MARCHF1: variants seen among roughly 807,000 people sequenced by gnomAD.
MARCHF1 encodes E3 ubiquitin-protein ligase MARCHF1.
A neutral mutation model predicts 54.2 loss-of-function variants in MARCHF1; 40 were observed. The observed-to-expected ratio is 0.74, with a 90% CI of 0.57 to 0.96. The LOEUF is 0.96. Among genes scored for constraint, MARCHF1 ranks in the 40% least tolerant of loss-of-function variants. The pLI is 0.00. For synonymous variants in MARCHF1, 236 were observed against 236.3 expected, an observed-to-expected ratio of 1.00 and a Z score of 0.01; for missense variants, 586 against 656.5, an observed-to-expected ratio of 0.89 and a Z score of 1.17.
chr4:163,843,787 AT>A (rs199995611), intron 4 of MARCHF1, among the ~76,000 whole-genome samples: 102 of 147,558 alleles, frequency 6.9e-4, no homozygotes, highest in Middle Eastern at 3.4e-3. Context: ...GAGAATATCT[AT>A]TTTTTTTTTA....
At chr4:164,325,920 A>C (rs1579722495) in intron 1 of MARCHF1, among the ~76,000 whole-genome samples, 1 of 152,226 alleles carries the variant, frequency 6.6e-6, no homozygotes, top group Non-Finnish European at 1.5e-5. Flanking sequence ...AACATTTTGC[A>C]TTAAAAACAT....
At chr4:163,887,158 A>C (rs1045583160) in intron 3 of MARCHF1, among the ~76,000 whole-genome samples, 1 of 152,178 alleles carries the variant, frequency 6.6e-6, no homozygotes, top group African/African-American at 2.4e-5. Flanking sequence ...ATATAAATAA[A>C]AATATTACAC....
rs75638973 is a variant in MARCHF1 at position 163,798,681 on chromosome 4, A to T, written c.111+55340T>A. On this transcript the variant is annotated intron_variant, in intron 4 of 9. Coordinates refer to ENST00000514618, the MANE Select transcript of MARCHF1 (RefSeq NM_001394959.1). ...GAAAGAGAAAACAAAAGAGTTGAAAATAGAAGTAAAAGTAAGAAAATACAG... is the reference window on the plus strand; with the variant it reads ...GAAAGAGAAAACAAAAGAGTTGAAATTAGAAGTAAAAGTAAGAAAATACAG... Among the ~76,000 whole-genome samples, 1,020 of 152,232 alleles carry T rather than the reference A, an allele frequency of 6.7e-3. 8 individuals carry two copies. Among genetic ancestry groups the T allele is most frequent in the South Asian group, 0.03 (147 of 4,832 alleles).
chr4:164,342,004 A>T (rs1317820402), intron 1 of MARCHF1, among the ~76,000 whole-genome samples: 1 of 152,236 alleles, frequency 6.6e-6, no homozygotes, highest in Non-Finnish European at 1.5e-5. Flanking sequence ...ACAAGAATTT[A>T]ACCAAGGAGG....
chr4:164,310,866 T>C (rs1734831784), intron 1 of MARCHF1, among the ~76,000 whole-genome samples: 1 of 152,172 alleles, frequency 6.6e-6, no homozygotes, highest in Non-Finnish European at 1.5e-5. Context: ...TGATAGAAGA[T>C]AAATATTGAT....
intron 5 of MARCHF1, among the ~76,000 whole-genome samples, chr4:163,695,588 C>G (rs1744602634): frequency 1.3e-5 from 2 of 152,266 alleles, no homozygotes; most frequent in South Asian, 4.1e-4. Context: ...TGGAAACTAA[C>G]TGAAATATCA....
At chr4:163,608,430 G>C (rs1281474900) in intron 7 of MARCHF1, among the ~76,000 whole-genome samples, 1 of 152,032 alleles carries the variant, frequency 6.6e-6, no homozygotes, top group Non-Finnish European at 1.5e-5. Context: ...AGATCTGATA[G>C]AGCGATCAAC....
intron 2 of MARCHF1, among the ~76,000 whole-genome samples, chr4:164,072,791 A>G (rs1200351143): frequency 6.6e-6 from 1 of 151,886 alleles, no homozygotes; most frequent in East Asian, 1.9e-4. Flanking sequence ...ATGTGTATTG[A>G]GTACCTATTA....
intron 1 of MARCHF1, among the ~76,000 whole-genome samples, chr4:164,186,918 C>T (rs575139444): frequency 1.2e-4 from 19 of 152,014 alleles, no homozygotes; most frequent in Non-Finnish European, 2.2e-4. Context: ...TCTAAGGTGT[C>T]GAAAGTAGTT....
chr4:164,088,205 A>G (rs1755229428), intron 2 of MARCHF1, among the ~76,000 whole-genome samples: 2 of 152,152 alleles, frequency 1.3e-5, no homozygotes, highest in African/African-American at 4.8e-5. Flanking sequence ...GTTTTTCAGA[A>G]TTCATTATTT....
intron 9 of MARCHF1, among the ~76,000 whole-genome samples, chr4:163,541,679 T>G (rs79702109): frequency 0.011 from 1,661 of 152,328 alleles, 26 homozygotes; most frequent in African/African-American, 0.036. Context: ...CTGTTTTATA[T>G]TCAACCTCAA....
intron 3 of MARCHF1, among the ~76,000 whole-genome samples, chr4:163,953,548 G>T (rs1009566793): frequency 6.6e-6 from 1 of 151,956 alleles, no homozygotes; most frequent in Non-Finnish European, 1.5e-5. Flanking sequence ...CGTATATAGT[G>T]CCAATATTAT....
intron 2 of MARCHF1, among the ~76,000 whole-genome samples, chr4:164,059,406 T>TTTATATTGACGTA (rs1754566892): frequency 6.6e-6 from 1 of 152,188 alleles, no homozygotes; most frequent in African/African-American, 2.4e-5. Flanking sequence ...GACGTAAATC[T>TTTATATTGACGTA]AAGTTTTGAT....
At chr4:164,240,635 T>C (rs1049115780) in intron 1 of MARCHF1, among the ~76,000 whole-genome samples, 4 of 152,072 alleles carry the variant, frequency 2.6e-5, no homozygotes, top group Admixed American at 6.6e-5. Context: ...TTTGCAAAAA[T>C]TGTAACAGTG....
intron 1 of MARCHF1, among the ~76,000 whole-genome samples, chr4:164,362,256 A>C (rs1189480867): frequency 3.3e-5 from 5 of 152,170 alleles, no homozygotes; most frequent in Non-Finnish European, 7.4e-5. Flanking sequence ...CTTTTAAAAA[A>C]ATTAATCTTT....
chr4:163,554,210 TAGTA>T (rs1277677895), intron 8 of MARCHF1, among the ~76,000 whole-genome samples: 5 of 152,290 alleles, frequency 3.3e-5, no homozygotes, highest in African/African-American at 4.8e-5. Context: ...TTTAAAGTAA[TAGTA>T]AGAGATATAT....
intron 5 of MARCHF1, among the ~76,000 whole-genome samples, chr4:163,647,525 T>C (rs1215988362): frequency 6.6e-6 from 1 of 151,942 alleles, no homozygotes; most frequent in Non-Finnish European, 1.5e-5. Flanking sequence ...AGAAAACAAG[T>C]CTTAACAAAT....
chr4:163,590,057 G>GGTGTGTGTGTGTGTGTGTGT (rs34885496), intron 7 of MARCHF1, among the ~76,000 whole-genome samples: 3,957 of 146,162 alleles, frequency 0.027, 179 homozygotes, highest in East Asian at 0.13. Flanking sequence ...TTTAGATTTT[G>GGTGTGTGTGTGTGTGTGTGT]GTGTGTGTGT....
intron 7 of MARCHF1, among the ~76,000 whole-genome samples, chr4:163,611,601 A>C (rs1741343171): frequency 6.6e-6 from 1 of 152,184 alleles, no homozygotes; most frequent in East Asian, 1.9e-4. Flanking sequence ...TTTTTATGTA[A>C]GGTTATTTTG....
Sources: allele counts gnomAD v4.1 joint callset (sites outside exome capture counted in the v4.1 genomes callset), GRCh38; gene constraint gnomAD v4.1.1; transcripts MANE v1.5; gene names NCBI Gene and HGNC (gene_info 2026-07-23, HGNC 2026-07-21).